CLCF1: variants seen among roughly 807,000 people sequenced by gnomAD.
CLCF1 encodes cardiotrophin-like cytokine factor 1.
CLCF1 carries 10 observed loss-of-function variants against 21.2 expected under a neutral mutation model. The ratio of observed to expected loss-of-function variants is 0.47; its 90% CI spans 0.29 to 0.80. The LOEUF (loss-of-function observed/expected upper bound fraction) is 0.80, where lower values mean the gene tolerates loss of function less well. CLCF1 is among the 30% of genes least tolerant of loss of function. The pLI is 0.09. For synonymous variants in CLCF1, 115 were observed against 120.5 expected (o/e 0.95, Z 0.30); for missense variants, 240 against 293.4 (o/e 0.82, Z 1.33).
chr11:67,370,002 G>A (rs963159499), intron 1 of CLCF1: 15 of 985,170 alleles, frequency 1.5e-5, no homozygotes, highest in South Asian at 4.7e-5. Context: ...TAACTGTGTC[G>A]TTGCAGGCTG....
Position 67,372,566 on chromosome 11 carries a change from G to A in CLCF1, c.16+958C>T, listed in dbSNP as rs951582521. 1.3e-5 allele frequency among the ~76,000 whole-genome samples: 2 copies of A among 150,254 alleles called. No individual in the cohort carries two copies. ...TGCGCCTTCCCCCTGTGTGGCCTCG[G>A]CGCCCCCGGCCCCGCCCCCTCCCGC... On this transcript the variant is annotated intron_variant, in intron 1 of 2. Coordinates refer to ENST00000312438, the MANE Select transcript of CLCF1 (RefSeq NM_013246.3). This position sits in a 1 kb window ranked among gnomAD's most constrained non-coding sequence, Gnocchi z 5.9.
At chr11:67,371,952 C>T (rs1397779103) in intron 1 of CLCF1, among the ~76,000 whole-genome samples, 27 of 152,002 alleles carry the variant, frequency 1.8e-4, no homozygotes, top group Admixed American at 1.8e-3. Flanking sequence ...CTGGGGCTGC[C>T]GGGTGACAAT....
At chr11:67,373,845 G>C (rs564868192), upstream of CLCF1, 9 of 1,026,336 alleles carry the variant, frequency 8.8e-6, no homozygotes, top group South Asian at 4.9e-5. Context: ...AGCACCGAGG[G>C]GGGGTGAGGT....
intron 1 of CLCF1, chr11:67,370,271 C>A: frequency 1.0e-6 from 1 of 985,324 alleles, no homozygotes; most frequent in Non-Finnish European, 1.2e-6. Flanking sequence ...GCTCGCCTGC[C>A]TCCTGAGGAG....
In CLCF1 at chr11:67,373,594, G is replaced by A; in HGVS notation, c.-55C>T. 7.7e-7 allele frequency: 1 copy of A among 1,304,286 alleles called. No individual in the cohort carries two copies. Among genetic ancestry groups the A allele is most frequent in the Non-Finnish European group, 9.8e-7 (1 of 1,024,974 alleles). The allele number at this position is 1,304,286 out of a possible 1,614,324, so 80.8% of individuals were successfully genotyped here. Reference sequence around the variant, plus strand: ...CTCCTCTCCCGGAGGCTGGCGGAGTGGGAGGGCGAGCCGCGGCTCCGGCGA... The same window carrying A: ...CTCCTCTCCCGGAGGCTGGCGGAGTAGGAGGGCGAGCCGCGGCTCCGGCGA... On this transcript the variant is annotated 5_prime_UTR_variant, in exon 1 of 3. Coordinates refer to ENST00000312438, the MANE Select transcript of CLCF1 (RefSeq NM_013246.3).
chr11:67,373,815 G>A (rs990624515), upstream of CLCF1: 40 of 1,089,862 alleles, frequency 3.7e-5, no homozygotes, highest in African/African-American at 6.6e-4. Context: ...AGGGCTTCTG[G>A]GGCTCCCTCT....
chr11:67,373,240 C>T (rs1862277204), intron 1 of CLCF1, among the ~76,000 whole-genome samples: 1 of 151,796 alleles, frequency 6.6e-6, no homozygotes, highest in African/African-American at 2.4e-5. Context: ...GCGGCTCCTA[C>T]GGCCCGCCTC....
At chr11:67,368,501 C>G (rs533470999) in intron 1 of CLCF1, 1 of 985,156 alleles carries the variant, frequency 1.0e-6, no homozygotes, top group South Asian at 4.7e-5. Context: ...GGGTTGGGTG[C>G]TGTAAGGAGG....
At chr11:67,370,730 C>T in intron 1 of CLCF1, 1 of 985,406 alleles carries the variant, frequency 1.0e-6, no homozygotes. Context: ...AGCCAGCTGC[C>T]CCTCAGTCCC....
Position 67,364,978 on chromosome 11 carries a change from G to C in CLCF1, c.*158C>G. On this transcript the variant is annotated 3_prime_UTR_variant, in exon 3 of 3. Coordinates refer to ENST00000312438, the MANE Select transcript of CLCF1 (RefSeq NM_013246.3). ...CGGTAGACCTTTGGGAGGTGGGGAGGAGACAGGGCTGATCGCATCACACGC... is the reference window on the plus strand; with the variant it reads ...CGGTAGACCTTTGGGAGGTGGGGAGCAGACAGGGCTGATCGCATCACACGC... The C allele has an allele frequency of 4.2e-6, 5 of 1,197,762 alleles. No individual in the cohort carries two copies. The South Asian group carries it at 7.4e-5, about 18-fold the overall frequency. 74.2% of individuals were successfully genotyped at this position (1,197,762 alleles called of 1,614,324 possible).
chr11:67,368,901 CTTTTTTTTTCCTTTTT>C, intron 1 of CLCF1: 1 of 682,564 alleles, frequency 1.5e-6, no homozygotes, highest in Non-Finnish European at 1.7e-6. Flanking sequence ...TCCTATAGTT[CTTTTTTTTTCCTTTTT>C]TTTTTTTTTT....
upstream of CLCF1, chr11:67,373,971 CTCCCCAGGCGTTG>C: frequency 1.1e-6 from 1 of 922,180 alleles, no homozygotes; most frequent in Non-Finnish European, 1.2e-6. Flanking sequence ...GGGTGGGCTT[CTCCCCAGGCGTTG>C]GCCTGGGACA....
In CLCF1 at chr11:67,367,478, G is replaced by A; in HGVS notation, c.165C>T (p.Arg55=). The A allele has an allele frequency of 6.2e-7, 1 of 1,614,250 alleles. No individual in the cohort carries two copies. The highest frequency in any genetic ancestry group is 8.5e-7 in the Non-Finnish European group (1 of 1,180,032). Residue 55 remains arginine (R), a synonymous_variant, in exon 2 of 3, where the codon CGC becomes CGT. Coordinates refer to ENST00000312438, the MANE Select transcript of CLCF1 (RefSeq NM_013246.3). ...DLTRYLEHQL[R]SLAGTYLNYL... The stretch of plus-strand genomic sequence containing the variant: ...TACTCACATAGGTCCCAGCCAAGCT[G>A]CGGAGTTGGTGCTCCAGGTAGCGGG...
At chr11:67,367,090 C>T (rs1233738356) in intron 2 of CLCF1, among the ~76,000 whole-genome samples, 2 of 152,112 alleles carry the variant, frequency 1.3e-5, no homozygotes, top group Non-Finnish European at 2.9e-5. Context: ...AGCTGGAACG[C>T]AGGCATGGGA....
At position 67,364,825 on chromosome 11, in the gene CLCF1, C is replaced by T. The variant is rs970522324; in HGVS notation, c.*311G>A. 1.4e-5 allele frequency: 5 copies of T among 354,654 alleles called. No individual in the cohort carries two copies. Among genetic ancestry groups the T allele is most frequent in the Non-Finnish European group, 2.6e-5 (5 of 190,272 alleles). 22.0% of individuals were successfully genotyped at this position (354,654 alleles called of 1,614,324 possible). ...CCTGAGGGGCTGGGTGGGCACTGGCCAAGTGGTAGGCAAGAAGCAGGAGGC... is the reference window on the plus strand; with the variant it reads ...CCTGAGGGGCTGGGTGGGCACTGGCTAAGTGGTAGGCAAGAAGCAGGAGGC... On this transcript the variant is annotated 3_prime_UTR_variant, in exon 3 of 3. Transcript: ENST00000312438.
intron 2 of CLCF1, 145 bp downstream of exon 2, chr11:67,367,315 A>C: frequency 5.4e-6 from 7 of 1,295,838 alleles, no homozygotes; most frequent in South Asian, 1.3e-5. Context: ...AGGGAAGGGC[A>C]GGAGATAGAC....
In CLCF1 at chr11:67,364,795, T is replaced by G. The variant is rs915925915; in HGVS notation, c.*341A>C. 9.8e-6 allele frequency: 3 copies of G among 306,828 alleles called. No homozygotes were observed. Among genetic ancestry groups the G allele is most frequent in the African/African-American group, 6.5e-5 (3 of 46,448 alleles). 19.0% of individuals were successfully genotyped at this position (306,828 alleles called of 1,614,324 possible). On this transcript the variant is annotated 3_prime_UTR_variant, in exon 3 of 3. Transcript: ENST00000312438. ...CCCCTCAACCCCTGCCCTCCAGATG[T>G]GCCACCTGAGGGGCTGGGTGGGCAC...
intron 1 of CLCF1, chr11:67,368,922 T>TTTC: frequency 1.1e-6 from 1 of 935,212 alleles, no homozygotes; most frequent in Non-Finnish European, 1.3e-6. Context: ...CTTTTTTTTT[T>TTTC]TTTTTTTTGC....
rs936624144 is a variant in CLCF1, at chr11:67,372,953, T to TCGGCC, written c.16+566_16+570dup. ...GAAGCCGCGAGTCCCGCGGCGCGGC[T>TCGGCC]CGGCCCGTCCGGCCCGGCCCAGCCA... On this transcript the variant is annotated intron_variant, in intron 1 of 2. Transcript: ENST00000312438. This position sits in a 1 kb window ranked among gnomAD's most constrained non-coding sequence, Gnocchi z 5.9. 6.7e-6 allele frequency among the ~76,000 whole-genome samples: 1 copy of TCGGCC among 148,308 alleles called. No individual in the cohort carries two copies. The highest frequency in any genetic ancestry group is 1.5e-5 in the Non-Finnish European group (1 of 66,736).
Sources: gnomAD v4.1 joint callset for allele counts (sites outside exome capture counted in the v4.1 genomes callset) on GRCh38, gnomAD v4.1.1 for gene constraint, Gnocchi (gnomAD v3.1) non-coding constraint, MANE v1.5 for transcripts, NCBI Gene and HGNC (gene_info 2026-07-23, HGNC 2026-07-21) for gene names.